The following PRH1 variants were observed in gnomAD, a reference collection of about 807,000 sequenced individuals.
The protein encoded by PRH1 is proline rich protein HaeIII subfamily 1, also known as salivary acidic proline-rich phosphoprotein 1/2.
A neutral mutation model predicts 7.9 loss-of-function variants in PRH1; 7 were observed. The ratio of observed to expected loss-of-function variants is 0.89; its 90% CI spans 0.50 to 1.67. The LOEUF is 1.67. Among genes scored for constraint, PRH1 ranks in the 40% most tolerant of loss-of-function variants. PRH1 has a pLI of 0.00. For missense variants in PRH1, 109 were observed against 223.6 expected (o/e 0.49, Z 3.27); for synonymous variants, 45 against 80.8 (o/e 0.56, Z 2.38).
chr12:10,930,949 C>T (rs377670115), intron 2 of PRH1: 11 of 1,603,832 alleles, frequency 6.9e-6, no homozygotes, highest in Admixed American at 1.7e-5. Flanking sequence ...AGGACCACCC[C>T]AACAGGGAGG....
At position 11,088,963 on chromosome 12, in the gene PRH1, C is replaced by G. The variant is rs114559581; in HGVS notation, n.124-41775G>C. ...GAAAAACAAAACAGCAAGTGGAGAA[C>G]ATTAATCCAAGCATAGAGTCCCTCT... On this transcript the variant is annotated intron_variant and non_coding_transcript_variant, in intron 1 of 4. Coordinates refer to the PRH1 transcript ENST00000541977. 3.5e-5 allele frequency among the ~76,000 whole-genome samples: 4 copies of G among 115,526 alleles called. No homozygotes were observed. In the South Asian group the frequency reaches 9.4e-4, roughly 27 times the overall value. 75.8% of individuals were successfully genotyped at this position (115,526 alleles called of 152,430 possible). A position where few individuals can be genotyped will look rare whatever the true frequency, so the allele number is the denominator to read the frequency against.
chr12:11,030,357 C>T, intron 1 of PRH1: 2 of 1,575,310 alleles, frequency 1.3e-6, no homozygotes, highest in African/African-American at 1.4e-5. Context: ...GTTTCATACA[C>T]CACCAGTTTG....
At position 11,079,883 on chromosome 12, in the gene PRH1, A is replaced by T. The variant is rs574109079; in HGVS notation, n.124-32695T>A. ...TTTCCCTTCGGTATATAATGAGCAG[A>T]GTAATAATAATTTTCATGGAATCTT... is the stretch of plus-strand genomic sequence containing the variant. On this transcript the variant is annotated intron_variant and non_coding_transcript_variant, in intron 1 of 4. Transcript: ENST00000541977. 9.4e-5 allele frequency among the ~76,000 whole-genome samples: 11 copies of T among 117,550 alleles called. 3 individuals are homozygous for T. Among genetic ancestry groups the T allele is most frequent in the African/African-American group, 3.1e-4 (11 of 35,160 alleles). The allele number at this position is 117,550 out of a possible 152,430, so 77.1% of individuals were successfully genotyped here. A position where few individuals can be genotyped will look rare whatever the true frequency, so the allele number is the denominator to read the frequency against.
At chr12:11,137,842 A>T (rs1592089457) in intron 1 of PRH1, among the ~76,000 whole-genome samples, 1 of 152,312 alleles carries the variant, frequency 6.6e-6, no homozygotes, top group East Asian at 1.9e-4. Context: ...ATGTGGATAT[A>T]GATAATGATA....
intron 1 of PRH1, among the ~76,000 whole-genome samples, chr12:11,126,656 C>A (rs1416841595): frequency 7.2e-6 from 1 of 139,736 alleles, no homozygotes; most frequent in Non-Finnish European, 1.6e-5. Flanking sequence ...TCAGATAATG[C>A]CATACTCAAA....
chr12:10,923,375 C>T (rs1233317717), intron 2 of PRH1, among the ~76,000 whole-genome samples: 4 of 152,060 alleles, frequency 2.6e-5, no homozygotes, highest in South Asian at 4.1e-4. Flanking sequence ...GTGATCTGCC[C>T]GCCTTGGCCT....
intron 1 of PRH1, among the ~76,000 whole-genome samples, chr12:11,076,218 T>A (rs1258462801): frequency 6.8e-6 from 1 of 147,656 alleles, no homozygotes; most frequent in South Asian, 2.1e-4. Flanking sequence ...CTTCTTATAA[T>A]AGAACTTGGT....
chr12:10,992,965 A>G (rs1940014661), intron 1 of PRH1, among the ~76,000 whole-genome samples: 1 of 152,164 alleles, frequency 6.6e-6, no homozygotes. Context: ...TACTAACCGC[A>G]TTGTCCAAGG....
chr12:11,052,128 T>A (rs28671533), upstream of PRH1, among the ~76,000 whole-genome samples: 35 of 152,228 alleles, frequency 2.3e-4, no homozygotes, highest in Non-Finnish European at 4.9e-4. Flanking sequence ...TGCATATATC[T>A]TATCAATTAT....
At chr12:11,000,969 T>TA (rs1020375267) in intron 1 of PRH1, among the ~76,000 whole-genome samples, 87 of 151,866 alleles carry the variant, frequency 5.7e-4, no homozygotes, top group Middle Eastern at 3.4e-3. Flanking sequence ...CCAAGTTTTT[T>TA]AAAAAAAGTT....
chr12:10,929,263 C>A, intron 2 of PRH1: 2 of 1,614,122 alleles, frequency 1.2e-6, no homozygotes, highest in East Asian at 2.2e-5. Context: ...GACACCAGAG[C>A]CTTCTGCAAG....
At chr12:11,076,381 G>A (rs115676461) in intron 1 of PRH1, among the ~76,000 whole-genome samples, 2,160 of 54,574 alleles carry the variant, frequency 0.04, 1 homozygote, top group South Asian at 0.066. Flanking sequence ...TTTGAAGAAA[G>A]TTTCATTTGA....
intron 1 of PRH1, among the ~76,000 whole-genome samples, chr12:11,113,058 A>G (rs1333497615): frequency 6.6e-6 from 1 of 152,180 alleles, no homozygotes; most frequent in Non-Finnish European, 1.5e-5. Context: ...ATTGCTACAA[A>G]GAGAATAAAA....
intron 1 of PRH1, among the ~76,000 whole-genome samples, chr12:11,129,042 C>G (rs1182236850): frequency 6.6e-6 from 1 of 152,182 alleles, no homozygotes; most frequent in African/African-American, 2.4e-5. Context: ...CCTGCCTCAG[C>G]TTCTCAACTA....
At chr12:11,133,884 T>C (rs201847619) in intron 1 of PRH1, 13 of 1,610,600 alleles carry the variant, frequency 8.1e-6, no homozygotes, top group South Asian at 2.2e-5. Flanking sequence ...CTCCTCTTTA[T>C]GCGAAGAAAA....
intron 2 of PRH1, among the ~76,000 whole-genome samples, chr12:10,896,234 C>A (rs1401893302): frequency 6.6e-6 from 1 of 152,098 alleles, no homozygotes; most frequent in Non-Finnish European, 1.5e-5. Context: ...TTTTACAATG[C>A]CATCTTTTGC....
At chr12:11,015,555 G>T (rs1389767817) in intron 1 of PRH1, among the ~76,000 whole-genome samples, 1 of 152,078 alleles carries the variant, frequency 6.6e-6, no homozygotes, top group South Asian at 2.1e-4. Flanking sequence ...CCAGATATTG[G>T]CCACTCCAAC....
intron 1 of PRH1, among the ~76,000 whole-genome samples, chr12:10,981,903 A>C (rs1939377826): frequency 6.8e-6 from 1 of 146,924 alleles, no homozygotes; most frequent in African/African-American, 2.5e-5. Context: ...CTATGTTGCC[A>C]AGGCTGATCT....
chr12:11,066,473 G>T (rs1490221321), intron 1 of PRH1, among the ~76,000 whole-genome samples: 1 of 151,856 alleles, frequency 6.6e-6, no homozygotes, highest in Admixed American at 6.6e-5. Context: ...GCAATATATT[G>T]TAAAATAAGC....
Sources: gnomAD v4.1 joint callset for allele counts (sites outside exome capture counted in the v4.1 genomes callset) on GRCh38, gnomAD v4.1.1 for gene constraint, MANE v1.5 for transcripts, NCBI Gene and HGNC (gene_info 2026-07-23, HGNC 2026-07-21) for gene names.